EFCAB6: variants seen among roughly 807,000 people sequenced by gnomAD.
EFCAB6 encodes the protein EF-hand calcium binding domain 6.
Under a neutral mutation model 169.8 loss-of-function variants are expected in EFCAB6, and 156 were observed. The observed-to-expected ratio is 0.92, with a 90% CI of 0.81 to 1.05. EFCAB6 has a LOEUF of 1.05. Ranked by LOEUF, EFCAB6 falls within the 50% of genes least tolerant of loss-of-function variation. The probability of loss-of-function intolerance (pLI) is 0.00; values close to 1 mark genes in which losing one functional copy is unlikely to be tolerated. For synonymous variants in EFCAB6, 698 were observed against 676.4 expected (o/e 1.03, Z -0.50); for missense variants, 1,800 against 1,829.1 (o/e 0.98, Z 0.29).
chr22:43,634,026 AG>A (rs1269128842), intron 18 of EFCAB6, among the ~76,000 whole-genome samples: 1 of 152,048 alleles, frequency 6.6e-6, no homozygotes, highest in Non-Finnish European at 1.5e-5. Flanking sequence ...GCAGGAAGTG[AG>A]GGGAGGAGAA....
intron 16 of EFCAB6, 26 bp downstream of exon 16, chr22:43,668,846 T>G: frequency 6.4e-7 from 1 of 1,553,848 alleles, no homozygotes; most frequent in Non-Finnish European, 8.7e-7. Context: ...GGTTTTGATA[T>G]GTGCATTCAT....
At chr22:43,749,671 G>A (rs918625545) in intron 6 of EFCAB6, among the ~76,000 whole-genome samples, 2 of 152,038 alleles carry the variant, frequency 1.3e-5, no homozygotes, top group Admixed American at 6.5e-5. Flanking sequence ...CTCCTGCTGT[G>A]CATTCTGGTT....
chr22:43,551,245 G>C (rs1415719902), intron 27 of EFCAB6, among the ~76,000 whole-genome samples: 2 of 152,200 alleles, frequency 1.3e-5, no homozygotes, highest in East Asian at 3.9e-4. Flanking sequence ...CCCCAGCAAA[G>C]TAACTCATGC....
At chr22:43,671,618 C>T (rs1192456586) in intron 15 of EFCAB6, among the ~76,000 whole-genome samples, 1 of 152,056 alleles carries the variant, frequency 6.6e-6, no homozygotes, top group Non-Finnish European at 1.5e-5. Flanking sequence ...TATTTGCTTG[C>T]AAGAAATGAA....
intron 26 of EFCAB6, among the ~76,000 whole-genome samples, chr22:43,573,753 A>G (rs1209112646): frequency 6.7e-6 from 1 of 148,388 alleles, no homozygotes; most frequent in Non-Finnish European, 1.5e-5. Flanking sequence ...AAAAAAAAAA[A>G]AGGACTGGGC....
At chr22:43,653,940 A>G (rs1271209194) in intron 17 of EFCAB6, among the ~76,000 whole-genome samples, 1 of 152,194 alleles carries the variant, frequency 6.6e-6, no homozygotes, top group Non-Finnish European at 1.5e-5. Context: ...AATAATAAAG[A>G]TAAAAGTAAA....
chr22:43,589,239 AC>A (rs2051287777), intron 24 of EFCAB6, among the ~76,000 whole-genome samples: 1 of 117,078 alleles, frequency 8.5e-6, no homozygotes, highest in Non-Finnish European at 1.8e-5. Context: ...ACACGGTGTA[AC>A]CCCGTGTTAC....
At chr22:43,555,172 G>A in intron 26 of EFCAB6, 76 bp from the exon 27 acceptor site, 7 of 1,493,038 alleles carry the variant, frequency 4.7e-6, no homozygotes, top group Non-Finnish European at 6.4e-6. Context: ...CTCACCCAGG[G>A]CAAGTTGCAG....
At chr22:43,615,964 A>G in intron 20 of EFCAB6, 42 bp from the exon 21 acceptor site, 1 of 1,531,556 alleles carries the variant, frequency 6.5e-7, no homozygotes, top group South Asian at 1.2e-5. Flanking sequence ...TTTAAATTTA[A>G]TGGGCTCATT....
intron 25 of EFCAB6, among the ~76,000 whole-genome samples, chr22:43,579,356 T>C (rs2050519068): frequency 6.6e-6 from 1 of 151,188 alleles, no homozygotes; most frequent in Non-Finnish European, 1.5e-5. Context: ...GCAGGTATCA[T>C]TCCCTACACA....
chr22:43,779,045 G>C (rs1200987377), intron 3 of EFCAB6, among the ~76,000 whole-genome samples: 1 of 152,092 alleles, frequency 6.6e-6, no homozygotes, highest in Non-Finnish European at 1.5e-5. Flanking sequence ...CAAGATGAAA[G>C]GGAAAAGCTG....
At chr22:43,738,389 C>T (rs984316157) in intron 6 of EFCAB6, among the ~76,000 whole-genome samples, 1 of 132,780 alleles carries the variant, frequency 7.5e-6, no homozygotes, top group Non-Finnish European at 1.6e-5. Context: ...TTCACACACA[C>T]ATGCATGTAC....
At chr22:43,590,250 G>A in intron 23 of EFCAB6, 21 bp from the exon 24 acceptor site, 1 of 1,603,538 alleles carries the variant, frequency 6.2e-7, no homozygotes, top group Non-Finnish European at 8.5e-7. Context: ...GTACATTGCA[G>A]ACATACCCTA....
chr22:43,549,497 T>A (rs544884646), intron 27 of EFCAB6, among the ~76,000 whole-genome samples: 1 of 152,204 alleles, frequency 6.6e-6, no homozygotes. Flanking sequence ...AAAATGAAGA[T>A]AGCCTGAATG....
Position 43,603,534 on chromosome 22 carries a change from C to T in EFCAB6, c.2682-3271G>A, listed in dbSNP as rs77804145. On this transcript the variant is annotated intron_variant, in intron 22 of 31. Transcript: ENST00000262726. The stretch of plus-strand genomic sequence containing the variant: ...GTGCACACAGCAATTCAGCTATACA[C>T]ATAATTTGAGTATGTTCACATTGAT... 3.0e-3 allele frequency among the ~76,000 whole-genome samples: 463 copies of T among 152,392 alleles called. 2 individuals are homozygous for T. The highest frequency in any genetic ancestry group is 0.011 in the African/African-American group (441 of 41,600).
rs901052629 is a variant in EFCAB6, at chr22:43,731,603, T to C, written c.757+96A>G. 14 of 636,688 alleles carry C rather than the reference T, an allele frequency of 2.2e-5. No individual in the cohort carries two copies. The African/African-American group carries it at 2.3e-4, about 10-fold the overall frequency. The allele number at this position is 636,688 out of a possible 1,614,324, so 39.4% of individuals were successfully genotyped here. ...AGCTTTGTAGATAATGTATTTCCTA[T>C]ATTTGAAAGTATTTCCTCAGGAATG... On this transcript the variant is annotated intron_variant, in intron 8 of 31. Transcript: ENST00000262726.
chr22:43,680,015 T>C (rs1426736068), intron 12 of EFCAB6, among the ~76,000 whole-genome samples: 1 of 152,196 alleles, frequency 6.6e-6, no homozygotes, highest in Non-Finnish European at 1.5e-5. Flanking sequence ...GTTTCTTTTA[T>C]GGGTTATACT....
At chr22:43,598,358 A>C (rs1001919040) in intron 23 of EFCAB6, among the ~76,000 whole-genome samples, 1 of 151,148 alleles carries the variant, frequency 6.6e-6, no homozygotes, top group Non-Finnish European at 1.5e-5. Flanking sequence ...CAGACAGATA[A>C]AGAGTAAATT....
At chr22:43,547,786 A>G (rs1313054098) in intron 27 of EFCAB6, among the ~76,000 whole-genome samples, 1 of 151,664 alleles carries the variant, frequency 6.6e-6, no homozygotes, top group Non-Finnish European at 1.5e-5. Flanking sequence ...ATAAGATAAT[A>G]AGAGTTTAAA....
Sources: gnomAD v4.1 joint callset for allele counts (sites outside exome capture counted in the v4.1 genomes callset) on GRCh38, gnomAD v4.1.1 for gene constraint, MANE v1.5 for transcripts, NCBI Gene and HGNC (gene_info 2026-07-23, HGNC 2026-07-21) for gene names.